The following FNDC3B variants were observed in gnomAD, a reference collection of about 807,000 sequenced individuals.
The protein encoded by FNDC3B is fibronectin type III domain-containing protein 3B.
FNDC3B carries 12 observed loss-of-function variants against 151.5 expected under a neutral mutation model. The observed-to-expected ratio is 0.08, with a 90% CI of 0.05 to 0.13. The LOEUF (loss-of-function observed/expected upper bound fraction) is 0.13. Ranked by LOEUF, FNDC3B falls within the 10% of genes least tolerant of loss-of-function variation. FNDC3B has a pLI of 1.00. For synonymous variants in FNDC3B, 528 were observed against 549.0 expected, an observed-to-expected ratio of 0.96 and a Z score of 0.54; for missense variants, 1,214 against 1,505.3, an observed-to-expected ratio of 0.81 and a Z score of 3.20.
Position 172,344,233 on chromosome 3 carries a change from G to A in FNDC3B, c.2225G>A (p.Arg742Gln), listed in dbSNP as rs753919960. ...CTTCCTGGAACCGTGTATCGCTTCC[G>A]GGTGAGGGCTCTGAATGATGGAGGG... ...NLLPGTVYRF[R>Q]VRALNDGGYG... The change falls in exon 19 of 26, where the codon CGG (arginine) becomes CAG (glutamine). Residue 742 changes from arginine to glutamine, a missense_variant. Transcript: ENST00000415807. 1 of 1,613,924 alleles carries A rather than the reference G, an allele frequency of 6.2e-7. No homozygotes were observed. The highest frequency in any genetic ancestry group is 1.1e-5 in the South Asian group (1 of 91,064).
At chr3:172,082,911 G>T (rs1438726836) in intron 1 of FNDC3B, among the ~76,000 whole-genome samples, 1 of 152,156 alleles carries the variant, frequency 6.6e-6, no homozygotes, top group African/African-American at 2.4e-5. Flanking sequence ...AGATTCCATT[G>T]AAGTTTATTA....
intron 3 of FNDC3B, among the ~76,000 whole-genome samples, chr3:172,199,232 T>A (rs1040994337): frequency 6.6e-6 from 1 of 151,302 alleles, no homozygotes; most frequent in African/African-American, 2.4e-5. Flanking sequence ...CAGGCTGGAG[T>A]GCAGTGGCGC....
At chr3:172,149,806 GTTTTTTTTTTTTT>G (rs10561622) in intron 3 of FNDC3B, among the ~76,000 whole-genome samples, 23 of 52,512 alleles carry the variant, frequency 4.4e-4, no homozygotes, top group African/African-American at 1.6e-3. Flanking sequence ...TATGTTGGGT[GTTTTTTTTTTTTT>G]TTTTTTTTTT....
chr3:172,227,118 G>A (rs138420733), intron 4 of FNDC3B, 171 bp downstream of exon 4: 19 of 547,068 alleles, frequency 3.5e-5, no homozygotes, highest in Middle Eastern at 3.5e-4. Context: ...GCCACTTGAC[G>A]TACCAGAGAA....
At position 172,400,317 on chromosome 3, in the gene FNDC3B, C is replaced by T. The variant is rs1736509771; in HGVS notation, c.*2842C>T. ...AAGAGATTTTTTGCATATTCTCTGC[C>T]TTGTTCTTATCAACTTGAAATGTTG... On this transcript the variant is annotated 3_prime_UTR_variant, in exon 26 of 26. Transcript: ENST00000415807. The T allele has an allele frequency of 6.6e-6, 1 of 152,560 alleles. No homozygotes were observed. The highest frequency in any genetic ancestry group is 2.4e-5 in the African/African-American group (1 of 41,426). 9.5% of individuals were successfully genotyped at this position (152,560 alleles called of 1,614,324 possible). A position where few individuals can be genotyped will look rare whatever the true frequency, so the allele number is the denominator to read the frequency against.
intron 11 of FNDC3B, among the ~76,000 whole-genome samples, chr3:172,325,314 T>A (rs984089427): frequency 1.3e-5 from 2 of 152,216 alleles, no homozygotes; most frequent in African/African-American, 4.8e-5. Flanking sequence ...TGCCATAGAT[T>A]ATAATCTCTC....
intron 11 of FNDC3B, among the ~76,000 whole-genome samples, chr3:172,314,715 C>G (rs1051477587): frequency 1.3e-5 from 2 of 152,214 alleles, no homozygotes; most frequent in African/African-American, 4.8e-5. Context: ...GAGCAGCAGC[C>G]TTTATTTCTG....
chr3:172,294,405 G>A (rs1163003066), intron 7 of FNDC3B, among the ~76,000 whole-genome samples: 1 of 152,226 alleles, frequency 6.6e-6, no homozygotes, highest in African/African-American at 2.4e-5. Context: ...AGGGGAAGCA[G>A]ACATGTCTTA....
chr3:172,287,026 A>G (rs1730057472), intron 7 of FNDC3B, among the ~76,000 whole-genome samples: 1 of 152,174 alleles, frequency 6.6e-6, no homozygotes, highest in Non-Finnish European at 1.5e-5. Flanking sequence ...ATAACCTGTT[A>G]GAATAGATAT....
At chr3:172,091,873 G>GTGTGTGTGT (rs3221957) in intron 1 of FNDC3B, among the ~76,000 whole-genome samples, 7 of 124,820 alleles carry the variant, frequency 5.6e-5, no homozygotes, top group African/African-American at 1.6e-4. Flanking sequence ...ACTTTACTGG[G>GTGTGTGTGT]GTGTGTGTGT....
intron 22 of FNDC3B, among the ~76,000 whole-genome samples, chr3:172,359,609 A>G (rs945308339): frequency 3.9e-5 from 6 of 152,294 alleles, no homozygotes; most frequent in African/African-American, 1.4e-4. Context: ...AGTAATTTCT[A>G]CCATCATGAT....
rs2108776268 is a variant in FNDC3B, at chr3:172,251,469, A to G, written c.718A>G (p.Ser240Gly). The change falls in exon 6 of 26, where the codon AGT becomes GGT. Residue 240 changes from serine to glycine, a missense_variant. Transcript: ENST00000415807. ...TGGAAGTGGCGGAGGCGGCAGCGGT[A>G]GTGGTCCCGGAATTAAGAAAACAGA... ...SGGSGGGGSG[S>G]GPGIKKTERR... The G allele has an allele frequency of 6.2e-7, 1 of 1,614,096 alleles. No homozygotes were observed. Among genetic ancestry groups the G allele is most frequent in the Non-Finnish European group, 8.5e-7 (1 of 1,179,988 alleles).
intron 1 of FNDC3B, among the ~76,000 whole-genome samples, chr3:172,077,581 T>C (rs772740945): frequency 5.9e-5 from 9 of 152,188 alleles, no homozygotes; most frequent in Non-Finnish European, 1.3e-4. Flanking sequence ...CCCAGAACAT[T>C]ACTATACCTA....
intron 7 of FNDC3B, among the ~76,000 whole-genome samples, chr3:172,289,989 C>T (rs762441646): frequency 7.2e-5 from 11 of 152,258 alleles, no homozygotes; most frequent in Middle Eastern, 3.4e-3. Flanking sequence ...TAGTTTGTAG[C>T]GTATCACTAA....
intron 23 of FNDC3B, among the ~76,000 whole-genome samples, chr3:172,375,189 C>T (rs1473602267): frequency 6.6e-6 from 1 of 152,192 alleles, no homozygotes; most frequent in Non-Finnish European, 1.5e-5. Context: ...TTTAATGTCT[C>T]CCTGTGGCTC....
At chr3:172,206,988 T>C (rs1725466332) in intron 3 of FNDC3B, among the ~76,000 whole-genome samples, 2 of 152,216 alleles carry the variant, frequency 1.3e-5, no homozygotes, top group Admixed American at 6.5e-5. Context: ...TTATTTTGTA[T>C]GTATTGGACC....
At chr3:172,089,995 T>C (rs1718732609) in intron 1 of FNDC3B, among the ~76,000 whole-genome samples, 1 of 152,224 alleles carries the variant, frequency 6.6e-6, no homozygotes, top group Admixed American at 6.5e-5. Context: ...ATGGCTGTTA[T>C]ATGAGTTGAA....
intron 3 of FNDC3B, among the ~76,000 whole-genome samples, chr3:172,158,868 C>T (rs1722634250): frequency 6.6e-6 from 1 of 152,196 alleles, no homozygotes; most frequent in Admixed American, 6.5e-5. Context: ...CCTTCCCTCC[C>T]CTCTTCCTCT....
chr3:172,066,411 G>T (rs1275919338), intron 1 of FNDC3B, among the ~76,000 whole-genome samples: 3 of 152,216 alleles, frequency 2.0e-5, no homozygotes, highest in African/African-American at 7.2e-5. Context: ...GAGACTTTGG[G>T]AGGTAATATC....
Sources: gnomAD v4.1 joint callset for allele counts (sites outside exome capture counted in the v4.1 genomes callset) on GRCh38, gnomAD v4.1.1 for gene constraint, MANE v1.5 for transcripts, NCBI Gene and HGNC (gene_info 2026-07-23, HGNC 2026-07-21) for gene names.